Variants in ZIK1 observed in about 807,000 individuals in gnomAD.
ZIK1 encodes zinc finger protein interacting with K protein 1, also known as zinc finger protein interacting with ribonucleoprotein K.
Under a neutral mutation model 10.7 loss-of-function variants are expected in ZIK1, and 12 were observed. The ratio of observed to expected loss-of-function variants is 1.12; its 90% CI spans 0.72 to 1.81. ZIK1 has a LOEUF of 1.81. Ranked by LOEUF, ZIK1 falls within the 40% of genes most tolerant of loss-of-function variation. The probability of loss-of-function intolerance (pLI) is 0.00; values close to 1 mark genes in which losing one functional copy is unlikely to be tolerated. For synonymous variants in ZIK1, 190 were observed against 205.0 expected, an observed-to-expected ratio of 0.93 and a Z score of 0.63; for missense variants, 497 against 585.7, an observed-to-expected ratio of 0.85 and a Z score of 1.56.
chr19:57,585,605 G>C (rs564873723), intron 2 of ZIK1, among the ~76,000 whole-genome samples: 20 of 152,268 alleles, frequency 1.3e-4, no homozygotes, highest in African/African-American at 4.6e-4. Flanking sequence ...TTGAGGGTAA[G>C]AGATACTGGT....
intron 3 of ZIK1, 140 bp downstream of exon 3, chr19:57,588,805 G>T (rs1979398344): frequency 6.5e-6 from 6 of 924,300 alleles, no homozygotes; most frequent in Non-Finnish European, 8.8e-6. Context: ...CCAGTGGTCT[G>T]GGAACACCTG....
Position 57,590,311 on chromosome 19 carries a change from T to G in ZIK1, c.500T>G (p.Phe167Cys). The part of the protein sequence containing the change: ...CCLFCMSLKP[F>C]RKWEVGKDLP... ...CTATTCTGTATGTCATTGAAGCCCTTTCGCAAATGGGAGGTTGGAAAGGAC... is the reference window on the plus strand; with the variant it reads ...CTATTCTGTATGTCATTGAAGCCCTGTCGCAAATGGGAGGTTGGAAAGGAC... Residue 167 changes from phenylalanine (F) to cysteine (C), a missense_variant, in exon 4 of 4, where the codon TTT becomes TGT. Physicochemically the swap from Phe to Cys is radical, Grantham distance 205. Transcript: ENST00000597850. The G allele has an allele frequency of 1.2e-6, 2 of 1,614,172 alleles. No individual in the cohort carries two copies. Among genetic ancestry groups the G allele is most frequent in the Non-Finnish European group, 8.5e-7 (1 of 1,180,036 alleles).
In ZIK1 at chr19:57,592,186, A is replaced by G. The variant is rs1979753912; in HGVS notation, c.*911A>G. Reference sequence around the variant, plus strand: ...GCCCAGTGCTGCTGAGAAGCTTTTCATGGGGTTCTATAAGGAGGCATGCCC... The same window carrying G: ...GCCCAGTGCTGCTGAGAAGCTTTTCGTGGGGTTCTATAAGGAGGCATGCCC... On this transcript the variant is annotated 3_prime_UTR_variant, in exon 4 of 4. Coordinates refer to ENST00000597850, the MANE Select transcript of ZIK1 (RefSeq NM_001010879.4). 2 of 152,098 alleles carry G rather than the reference A, an allele frequency of 1.3e-5. No individual in the cohort carries two copies. The highest frequency in any genetic ancestry group is 4.8e-5 in the African/African-American group (2 of 41,400). The allele number at this position is 152,098 out of a possible 1,614,324, so 9.4% of individuals were successfully genotyped here.
chr19:57,588,750 G>A, intron 3 of ZIK1, 85 bp downstream of exon 3: 2 of 1,342,238 alleles, frequency 1.5e-6, no homozygotes, highest in Non-Finnish European at 1.9e-6. Context: ...ATGTGCTATG[G>A]GATCCAGCAC....
At position 57,589,307 on chromosome 19, in the gene ZIK1, G is replaced by A. The variant is rs952878323; in HGVS notation, c.199+642G>A. 7.1e-6 allele frequency: 7 copies of A among 985,244 alleles called. No homozygotes were observed. The African/African-American group carries it at 1.2e-4, about 17-fold the overall frequency. 61.0% of individuals were successfully genotyped at this position (985,244 alleles called of 1,614,324 possible). On this transcript the variant is annotated intron_variant, in intron 3 of 3. Transcript: ENST00000597850. Reference sequence around the variant, plus strand: ...TTGAGTGGCAACTGGTTGGGGGCATGATATCCGGGCTGTTTTCCGATCACA... The same window carrying A: ...TTGAGTGGCAACTGGTTGGGGGCATAATATCCGGGCTGTTTTCCGATCACA...
chr19:57,587,948 G>A (rs530224600), intron 2 of ZIK1, among the ~76,000 whole-genome samples: 1 of 152,218 alleles, frequency 6.6e-6, no homozygotes, highest in South Asian at 2.1e-4. Flanking sequence ...GACATCAAGT[G>A]CAGCACAAGT....
chr19:57,588,244 T>C (rs925125470), intron 2 of ZIK1, among the ~76,000 whole-genome samples: 3 of 151,872 alleles, frequency 2.0e-5, no homozygotes, highest in Non-Finnish European at 2.9e-5. Flanking sequence ...GACTTAAGGG[T>C]CAAAGGTGAA....
Position 57,584,399 on chromosome 19 carries a change from G to T in ZIK1, c.33+10G>T, listed in dbSNP as rs767190708. The T allele has an allele frequency of 6.2e-7, 1 of 1,607,886 alleles. No individual in the cohort carries two copies. Among genetic ancestry groups the T allele is most frequent in the Non-Finnish European group, 8.5e-7 (1 of 1,177,856 alleles). ...GAGGGCCCCGACTCAGGTGAGCGCTGCCTCTACTGGGCCTCACCCTCCATC... is the reference window on the plus strand; with the variant it reads ...GAGGGCCCCGACTCAGGTGAGCGCTTCCTCTACTGGGCCTCACCCTCCATC... On this transcript the variant is annotated intron_variant, in intron 1 of 3. Coordinates refer to ENST00000597850, the MANE Select transcript of ZIK1 (RefSeq NM_001010879.4).
At position 57,590,553 on chromosome 19, in the gene ZIK1, T is replaced by G. The variant is rs1475140624; in HGVS notation, c.742T>G (p.Phe248Val). Residue 248 changes from phenylalanine to valine, a missense_variant, in exon 4 of 4, where the codon TTC (phenylalanine) becomes GTC (valine). By Grantham distance (50) the Phe-to-Val change is conservative. Coordinates refer to ENST00000597850, the MANE Select transcript of ZIK1 (RefSeq NM_001010879.4). ...TGAGTGTAGCAAATGTGGGAAAGCC[T>G]TCCGTGGCAAGTACTCACTTGTTCA... ...LYECSKCGKA[F>V]RGKYSLVQHQ... 2.5e-6 allele frequency: 4 copies of G among 1,614,100 alleles called. No homozygotes were observed. The African/African-American group carries it at 5.3e-5, about 22-fold the overall frequency.
In ZIK1 at chr19:57,584,340, T is replaced by C; in HGVS notation, c.-17T>C. On this transcript the variant is annotated 5_prime_UTR_variant, in exon 1 of 4. Coordinates refer to ENST00000597850, the MANE Select transcript of ZIK1 (RefSeq NM_001010879.4). ...CGTAGCTGTCGGGTCCCGGCCCCGCTCTGCCCACAGACTCCGATGGCTGCG... is the reference window on the plus strand; with the variant it reads ...CGTAGCTGTCGGGTCCCGGCCCCGCCCTGCCCACAGACTCCGATGGCTGCG... 6.3e-7 allele frequency: 1 copy of C among 1,591,932 alleles called. No homozygotes were observed. The highest frequency in any genetic ancestry group is 8.5e-7 in the Non-Finnish European group (1 of 1,169,776).
rs1457832879 is a variant in ZIK1 at position 57,591,810 on chromosome 19, A to G, written c.*535A>G. On this transcript the variant is annotated 3_prime_UTR_variant, in exon 4 of 4. Transcript: ENST00000597850. ...CATTGCTCCAGTTTGTGCACTAATA[A>G]AAGCCTTATATTTGAATCTACCTGT... The G allele has an allele frequency of 6.5e-6, 1 of 154,784 alleles. No homozygotes were observed. Among genetic ancestry groups the G allele is most frequent in the Non-Finnish European group, 1.4e-5 (1 of 69,768 alleles). The allele number at this position is 154,784 out of a possible 1,614,324, so 9.6% of individuals were successfully genotyped here.
In ZIK1 at chr19:57,591,308, C is replaced by G. The variant is rs765952395; in HGVS notation, c.*33C>G. 6.2e-5 allele frequency: 97 copies of G among 1,564,362 alleles called. No homozygotes were observed. Among genetic ancestry groups the G allele is most frequent in the Non-Finnish European group, 8.0e-5 (93 of 1,155,462 alleles). ...ATGAATGCAGCAAATGTGGAAGCGCCTTCAACTCAAGATCTATCATCATTT... is the reference window on the plus strand; with the variant it reads ...ATGAATGCAGCAAATGTGGAAGCGCGTTCAACTCAAGATCTATCATCATTT... On this transcript the variant is annotated 3_prime_UTR_variant, in exon 4 of 4. Transcript: ENST00000597850.
chr19:57,593,683 T>A lies in ZIK1; in HGVS notation c.*2408T>A, dbSNP rs930392516. ...TACTTGGTATGGTTAGTCTTTTTAA[T>A]TTTAGTTGTTTTAATAGCTGTATAA... is the stretch of plus-strand genomic sequence containing the variant. On this transcript the variant is annotated 3_prime_UTR_variant, in exon 4 of 4. Coordinates refer to ENST00000597850, the MANE Select transcript of ZIK1 (RefSeq NM_001010879.4). The A allele has an allele frequency of 6.6e-6, 1 of 151,762 alleles. No individual in the cohort carries two copies. The highest frequency in any genetic ancestry group is 1.5e-5 in the Non-Finnish European group (1 of 67,978). The allele number at this position is 151,762 out of a possible 1,614,324, so 9.4% of individuals were successfully genotyped here.
intron 2 of ZIK1, among the ~76,000 whole-genome samples, chr19:57,586,216 A>G (rs1979145041): frequency 6.6e-6 from 1 of 152,018 alleles, no homozygotes; most frequent in African/African-American, 2.4e-5. Context: ...CAGAGTAGCT[A>G]TGGGTCACAA....
rs186871519 is a variant in ZIK1, at chr19:57,584,575, G to A, written c.33+186G>A. On this transcript the variant is annotated intron_variant, in intron 1 of 3. Transcript: ENST00000597850. ...AGGGACCAGCGTTTCTAAACTCTTG[G>A]AGACACAGTGAAGAAGGTTCATACC... 1.1e-3 allele frequency: 1,591 copies of A among 1,407,198 alleles called. 5 individuals carry two copies. The highest frequency in any genetic ancestry group is 1.4e-3 in the Non-Finnish European group (1,490 of 1,083,302). The allele number at this position is 1,407,198 out of a possible 1,614,324, so 87.2% of individuals were successfully genotyped here.
Position 57,590,163 on chromosome 19 carries a change from C to G in ZIK1, c.352C>G (p.Leu118Val), listed in dbSNP as rs1979529951. 6.2e-7 allele frequency: 1 copy of G among 1,614,088 alleles called. No individual in the cohort carries two copies. The highest frequency in any genetic ancestry group is 1.7e-5 in the Admixed American group (1 of 60,002). ...VLKDILHLAD[L>V]PGQKPYLVGE... is the part of the protein sequence containing the mutation. ...GAAAGATATTTTGCATCTAGCTGAT[C>G]TCCCTGGGCAGAAACCATACTTGGT... is the stretch of plus-strand genomic sequence containing the variant. The change falls in exon 4 of 4, where the codon CTC becomes GTC. Residue 118 changes from leucine (L) to valine (V), a missense_variant. By Grantham distance (32) the Leu-to-Val change is conservative. Coordinates refer to ENST00000597850, the MANE Select transcript of ZIK1 (RefSeq NM_001010879.4).
intron 3 of ZIK1, chr19:57,589,397 A>G (rs1979457706): frequency 2.0e-6 from 2 of 985,230 alleles, no homozygotes; most frequent in African/African-American, 3.5e-5. Context: ...TCTCATTTCT[A>G]TATTTTCTTC....
chr19:57,589,326 G>T (rs1054076520), intron 3 of ZIK1: 4 of 985,240 alleles, frequency 4.1e-6, no homozygotes, highest in Non-Finnish European at 4.8e-6. Flanking sequence ...GCTGTTTTCC[G>T]ATCACATAAG....
chr19:57,589,664 T>C, intron 3 of ZIK1: 10 of 985,462 alleles, frequency 1.0e-5, no homozygotes, highest in Non-Finnish European at 1.2e-5. Context: ...CTGCACAGCA[T>C]GCAGGTGTCA....
Sources: allele counts gnomAD v4.1 joint callset (sites outside exome capture counted in the v4.1 genomes callset), GRCh38; gene constraint gnomAD v4.1.1; transcripts MANE v1.5; gene names NCBI Gene and HGNC (gene_info 2026-07-23, HGNC 2026-07-21).